PHF8: variants seen among roughly 807,000 people sequenced by gnomAD.
PHF8 encodes the protein histone lysine demethylase PHF8.
In PHF8, 9 loss-of-function variants were observed where a neutral mutation model predicts 74.4. That is an observed-to-expected ratio of 0.12 (90% CI 0.07 to 0.21). The LOEUF (loss-of-function observed/expected upper bound fraction) is 0.21. Ranked by LOEUF, PHF8 falls within the 10% of genes least tolerant of loss-of-function variation. The pLI, the probability that PHF8 is intolerant of heterozygous loss-of-function variation, is 1.00. For missense variants in PHF8, 478 were observed against 816.6 expected, an observed-to-expected ratio of 0.59 and a Z score of 5.05; for synonymous variants, 311 against 316.6, an observed-to-expected ratio of 0.98 and a Z score of 0.19.
chrX:53,995,096 A>T (rs1557102414), intron 12 of PHF8: 3 of 332,019 alleles, frequency 9.0e-6, no homozygotes, highest in Admixed American at 6.6e-5. Context: ...GTGACAGAGC[A>T]GGAACCAGAA....
At chrX:53,990,413 A>G (rs56283893) in intron 14 of PHF8, among the ~76,000 whole-genome samples, 9,519 of 110,678 alleles carry the variant, frequency 0.086, 325 homozygotes, top group Non-Finnish European at 0.097. Context: ...GGTAATAGGC[A>G]GCAGCACAAG....
At chrX:53,942,776 A>G in intron 20 of PHF8, 3 of 753,168 alleles carry the variant, frequency 4.0e-6, no homozygotes, top group Non-Finnish European at 4.7e-6. Flanking sequence ...ATGATTCTCA[A>G]TGGGTAAAAG....
intron 19 of PHF8, among the ~76,000 whole-genome samples, chrX:53,959,296 C>T: frequency 9.0e-6 from 1 of 111,564 alleles, no homozygotes; most frequent in Non-Finnish European, 1.9e-5. Context: ...GTACCTTTTA[C>T]TTAATCCATA....
chrX:53,957,047 C>A (rs1438162336), intron 19 of PHF8, among the ~76,000 whole-genome samples: 1 of 109,723 alleles, frequency 9.1e-6, no homozygotes. Flanking sequence ...CCTGTCTCTA[C>A]TAAAAATACA....
upstream of PHF8, among the ~76,000 whole-genome samples, chrX:54,046,365 A>C (rs1353788412): frequency 9.0e-6 from 1 of 110,536 alleles, no homozygotes; most frequent in Non-Finnish European, 1.9e-5. Flanking sequence ...CGGGCGGATC[A>C]CAAGTTCAGG....
At position 53,993,663 on chromosome X, in the gene PHF8, A is replaced by G; in HGVS notation, c.1564T>C (p.Tyr522His). 8.3e-7 allele frequency: 1 copy of G among 1,211,039 alleles called. No individual in the cohort carries two copies. Among genetic ancestry groups the G allele is most frequent in the Middle Eastern group, 2.3e-4 (1 of 4,266 alleles). The change falls in exon 13 of 22, where the codon TAT becomes CAT. Residue 522 changes from tyrosine to histidine, a missense_variant. Physicochemically the swap from Tyr to His is moderately conservative, Grantham distance 83. This residue lies in a region of PHF8 where 153 missense variants were observed against 164.8 expected (regional missense o/e 0.93). Coordinates refer to ENST00000338154, the MANE Select transcript of PHF8 (RefSeq NM_015107.3). ...TGACTGTATGTGTCCATGAGATTAT[A>G]GCTCAACTGGCCAGCAGGCCCCAAG... ...SALGPAGQLS[Y>H]NLMDTYSHQA...
At chrX:53,960,684 G>C (rs1557090513) in intron 19 of PHF8, among the ~76,000 whole-genome samples, 3 of 108,754 alleles carry the variant, frequency 2.8e-5, no homozygotes, top group Non-Finnish European at 5.7e-5. Context: ...GGGAGGCGGA[G>C]ATTGCAGTGA....
upstream of PHF8, among the ~76,000 whole-genome samples, chrX:54,046,133 G>C (rs2066632360): frequency 9.1e-6 from 1 of 110,438 alleles, no homozygotes; most frequent in African/African-American, 3.3e-5. Context: ...TTTTTATAGA[G>C]CCCAGGCCTC....
At chrX:54,046,973 G>A (rs183505098), upstream of PHF8, among the ~76,000 whole-genome samples, 2 of 112,578 alleles carry the variant, frequency 1.8e-5, no homozygotes, top group African/African-American at 6.4e-5. Context: ...GCAAGGGAAA[G>A]TATGGCCAGG....
At chrX:54,016,492 T>TC (rs2066072137) in intron 6 of PHF8, 103 bp downstream of exon 6, 1 of 680,748 alleles carries the variant, frequency 1.5e-6, no homozygotes, top group East Asian at 3.5e-5. Flanking sequence ...AGACTCTGTC[T>TC]CAAAAAAAAA....
intron 2 of PHF8, among the ~76,000 whole-genome samples, chrX:54,026,426 C>G (rs2066268640): frequency 9.1e-6 from 1 of 109,377 alleles, no homozygotes; most frequent in African/African-American, 3.3e-5. Flanking sequence ...TCAACTCTCT[C>G]TCATTATCTA....
At chrX:54,031,663 C>G (rs2066359874) in intron 2 of PHF8, among the ~76,000 whole-genome samples, 1 of 110,203 alleles carries the variant, frequency 9.1e-6, no homozygotes, top group Admixed American at 9.7e-5. Context: ...CCCCTTTACA[C>G]CAAATTCTTC....
intron 3 of PHF8, 150 bp from the exon 4 acceptor site, chrX:54,022,517 C>G (rs1177877895): frequency 1.9e-6 from 1 of 524,021 alleles, no homozygotes; most frequent in African/African-American, 2.3e-5. Flanking sequence ...CAGGAAAGTT[C>G]CTGGTGAAGA....
intron 18 of PHF8, among the ~76,000 whole-genome samples, chrX:53,972,091 G>A (rs1210223730): frequency 4.5e-5 from 5 of 110,639 alleles, no homozygotes; most frequent in South Asian, 3.8e-4. Context: ...TTGGGAGGCC[G>A]AGGCAGGCAG....
At position 54,010,661 on chromosome X, in the gene PHF8, T is replaced by C. The variant is rs1014604319; in HGVS notation, c.946+461A>G. Reference sequence around the variant, plus strand: ...AGTAAAGATGTCAACTCTCCCCAAATTGAGACAACTGGGGGATTTTTTCAC... The same window carrying C: ...AGTAAAGATGTCAACTCTCCCCAAACTGAGACAACTGGGGGATTTTTTCAC... On this transcript the variant is annotated intron_variant, in intron 8 of 21. Coordinates refer to ENST00000338154, the MANE Select transcript of PHF8 (RefSeq NM_015107.3). 6.3e-5 allele frequency among the ~76,000 whole-genome samples: 7 copies of C among 111,156 alleles called. No homozygotes were observed. The East Asian group carries it at 2.0e-3, about 32-fold the overall frequency.
chrX:53,983,028 T>C (rs1021188597), intron 18 of PHF8, among the ~76,000 whole-genome samples: 2 of 110,341 alleles, frequency 1.8e-5, no homozygotes, highest in Non-Finnish European at 3.8e-5. Context: ...ACCCCATCTG[T>C]ACAAAAAATA....
intron 2 of PHF8, among the ~76,000 whole-genome samples, chrX:54,032,736 T>C (rs1478673275): frequency 1.9e-5 from 2 of 102,904 alleles, no homozygotes; most frequent in Non-Finnish European, 2.0e-5. Context: ...GAACAATGCC[T>C]GGCACATAGC....
chrX:54,047,691 G>T (rs1474493639), upstream of PHF8, among the ~76,000 whole-genome samples: 1 of 112,008 alleles, frequency 8.9e-6, no homozygotes, highest in Non-Finnish European at 1.9e-5. Context: ...CAGCAAGGGA[G>T]ACGGATAAAA....
At chrX:53,945,539 T>A (rs943455592) in intron 19 of PHF8, among the ~76,000 whole-genome samples, 11 of 110,047 alleles carry the variant, frequency 1.0e-4, no homozygotes, top group African/African-American at 3.6e-4. Context: ...AAAATAATAA[T>A]AAAAATAAAA....
Sources: gnomAD v4.1 joint callset for allele counts (sites outside exome capture counted in the v4.1 genomes callset) on GRCh38, gnomAD v4.1.1 for gene constraint, gnomAD v4.1.1 regional missense constraint, MANE v1.5 for transcripts, NCBI Gene and HGNC (gene_info 2026-07-23, HGNC 2026-07-21) for gene names.